Variants in MCCC2 observed in about 807,000 individuals in gnomAD.
MCCC2 encodes the protein methylcrotonyl-CoA carboxylase subunit 2.
In MCCC2, 52 loss-of-function variants were observed where a neutral mutation model predicts 77.2. The observed-to-expected ratio is 0.67, with a 90% CI of 0.54 to 0.85. MCCC2 has a LOEUF of 0.85. Among genes scored for constraint, MCCC2 ranks in the 40% least tolerant of loss-of-function variants. The pLI, the probability that MCCC2 is intolerant of heterozygous loss-of-function variation, is 0.00. For synonymous variants in MCCC2, 253 were observed against 248.4 expected, an observed-to-expected ratio of 1.02 and a Z score of -0.18; for missense variants, 682 against 703.2, an observed-to-expected ratio of 0.97 and a Z score of 0.34.
In MCCC2 at chr5:71,596,981, T is replaced by C. The variant is rs181669202; in HGVS notation, c.281+617T>C. ...GTAAATTCTGTAGTGTGTTAGTAAG[T>C]GACAAATGTCATGAGAAAAAGAAAA... On this transcript the variant is annotated intron_variant, in intron 3 of 16. Transcript: ENST00000340941. Among the ~76,000 whole-genome samples, 582 of 151,394 alleles carry C rather than the reference T, an allele frequency of 3.8e-3. 3 individuals are homozygous for C. Among genetic ancestry groups the C allele is most frequent in the African/African-American group, 0.014 (561 of 41,268 alleles).
chr5:71,589,682 A>G (rs1744898716), intron 1 of MCCC2, among the ~76,000 whole-genome samples: 1 of 152,248 alleles, frequency 6.6e-6, no homozygotes, highest in Admixed American at 6.5e-5. Flanking sequence ...AAGCAACTAT[A>G]ATAAGTAATA....
intron 1 of MCCC2, among the ~76,000 whole-genome samples, chr5:71,589,766 A>T (rs907098386): frequency 5.3e-5 from 8 of 152,250 alleles, no homozygotes; most frequent in Non-Finnish European, 1.2e-4. Context: ...TGTATTTATC[A>T]TAATGATCCT....
rs277982 is a variant in MCCC2 at position 71,632,424 on chromosome 5, T to C, written c.803+239T>C. Among the ~76,000 whole-genome samples the C allele has an allele frequency of 0.31, 46,595 of 152,090 alleles. 8,213 individuals carry two copies. The highest frequency in any genetic ancestry group is 0.55 in the East Asian group (2,825 of 5,158). On this transcript the variant is annotated intron_variant, in intron 8 of 16. Coordinates refer to ENST00000340941, the MANE Select transcript of MCCC2 (RefSeq NM_022132.5). Reference sequence around the variant, plus strand: ...TTCTTATTTATTTGACAAACATTCATTGGGCACCTGTTATGTAGCAGGCAC... The same window carrying C: ...TTCTTATTTATTTGACAAACATTCACTGGGCACCTGTTATGTAGCAGGCAC...
At chr5:71,607,837 A>G (rs1029925890) in intron 6 of MCCC2, among the ~76,000 whole-genome samples, 6 of 146,674 alleles carry the variant, frequency 4.1e-5, no homozygotes, top group Non-Finnish European at 7.5e-5. Context: ...TTATGTACCC[A>G]GTGGTCATTC....
intron 6 of MCCC2, among the ~76,000 whole-genome samples, chr5:71,614,470 A>C (rs1050237769): frequency 6.9e-5 from 10 of 145,160 alleles, no homozygotes; most frequent in African/African-American, 2.5e-4. Context: ...GTGAGACCCC[A>C]TCTCTCTCTC....
chr5:71,654,055 T>A (rs1747516411), intron 16 of MCCC2, among the ~76,000 whole-genome samples: 1 of 152,180 alleles, frequency 6.6e-6, no homozygotes, highest in Admixed American at 6.5e-5. Context: ...TGGAGTGCAG[T>A]GACGTGATCT....
At chr5:71,643,216 T>C (rs550068991) in intron 11 of MCCC2, among the ~76,000 whole-genome samples, 14 of 152,086 alleles carry the variant, frequency 9.2e-5, no homozygotes, top group African/African-American at 3.1e-4. Flanking sequence ...ACCCCATCTC[T>C]ACAAAAAATA....
chr5:71,596,376 G>T lies in MCCC2; in HGVS notation c.281+12G>T. ...CTCATAGACCCAGGGTGCGTACATA[G>T]CCAAGTACTGACTCAGAGTGTTCTC... On this transcript the variant is annotated intron_variant, in intron 3 of 16. Transcript: ENST00000340941. The T allele has an allele frequency of 6.2e-7, 1 of 1,604,740 alleles. No homozygotes were observed. The highest frequency in any genetic ancestry group is 8.5e-7 in the Non-Finnish European group (1 of 1,171,532).
intron 2 of MCCC2, among the ~76,000 whole-genome samples, 153 bp downstream of exon 2, chr5:71,593,145 T>G (rs1693896): frequency 6.6e-6 from 1 of 151,732 alleles, no homozygotes; most frequent in Non-Finnish European, 1.5e-5. Context: ...TGGAGTGCAG[T>G]GGCGCCATCT....
intron 6 of MCCC2, among the ~76,000 whole-genome samples, chr5:71,613,551 T>G (rs778025244): frequency 2.4e-4 from 37 of 152,120 alleles, no homozygotes; most frequent in Non-Finnish European, 2.1e-4. Flanking sequence ...ATCCCAGTAC[T>G]TTGAGAGGCC....
intron 11 of MCCC2, 78 bp downstream of exon 11, chr5:71,641,153 A>G: frequency 2.3e-6 from 3 of 1,311,582 alleles, no homozygotes; most frequent in South Asian, 2.4e-5. Context: ...CAAGACTTTG[A>G]TACACTTGAC....
chr5:71,639,337 T>C (rs1410444965), intron 10 of MCCC2, among the ~76,000 whole-genome samples: 2 of 152,232 alleles, frequency 1.3e-5, no homozygotes, highest in African/African-American at 4.8e-5. Context: ...GATAACTTGC[T>C]GTAGCTTCTA....
intron 6 of MCCC2, among the ~76,000 whole-genome samples, chr5:71,610,464 G>C (rs1745890075): frequency 2.0e-5 from 3 of 152,148 alleles, no homozygotes. Flanking sequence ...TGCGCCCACT[G>C]TCTGGCACTC....
chr5:71,633,133 TTTTA>T lies in MCCC2; in HGVS notation c.803+952_803+955del, dbSNP rs1349104577. ...TATATATATATATATATATATATAT[TTTTA>T]TTTTTTGTAGAAACAGGTGTCTCAC... On this transcript the variant is annotated intron_variant, in intron 8 of 16. Transcript: ENST00000340941. 3.2e-4 allele frequency among the ~76,000 whole-genome samples: 36 copies of T among 113,004 alleles called. 1 individual carries two copies. The highest frequency in any genetic ancestry group is 1.5e-3 in the African/African-American group (35 of 23,576). 74.1% of individuals were successfully genotyped at this position (113,004 alleles called of 152,430 possible).
At position 71,632,030 on chromosome 5, in the gene MCCC2, G is replaced by C. The variant is rs142761945; in HGVS notation, c.739-91G>C. The C allele has an allele frequency of 0.036, 39,017 of 1,097,862 alleles. 918 individuals carry two copies. The highest frequency in any genetic ancestry group is 0.073 in the South Asian group (5,887 of 80,672). The allele number at this position is 1,097,862 out of a possible 1,614,324, so 68.0% of individuals were successfully genotyped here. On this transcript the variant is annotated intron_variant, in intron 7 of 16. Transcript: ENST00000340941. The stretch of plus-strand genomic sequence containing the variant: ...TAGTTCTATGGAAGAAAAAGTACAG[G>C]TATAGTCAGGTGAGGAGTTGTGCAT...
chr5:71,642,497 C>T (rs1257965109), intron 11 of MCCC2, among the ~76,000 whole-genome samples: 1 of 152,136 alleles, frequency 6.6e-6, no homozygotes, highest in African/African-American at 2.4e-5. Flanking sequence ...ATGGGTGTCC[C>T]TAGTAGTGTG....
intron 3 of MCCC2, among the ~76,000 whole-genome samples, chr5:71,599,285 G>A (rs1300918066): frequency 3.9e-5 from 6 of 152,030 alleles, no homozygotes; most frequent in Admixed American, 1.3e-4. Flanking sequence ...CAGGAGAATC[G>A]CTTGAACTCA....
At chr5:71,587,985 A>G (rs1744828852) in intron 1 of MCCC2, among the ~76,000 whole-genome samples, 4 of 152,082 alleles carry the variant, frequency 2.6e-5, no homozygotes, top group Admixed American at 2.0e-4. Context: ...GTTGATTATG[A>G]TGGCCGAGCC....
At chr5:71,621,513 G>A (rs1373898927) in intron 6 of MCCC2, among the ~76,000 whole-genome samples, 1 of 152,144 alleles carries the variant, frequency 6.6e-6, no homozygotes, top group Non-Finnish European at 1.5e-5. Flanking sequence ...AGGATCTCTT[G>A]AGCCCGGGAA....
Sources: allele counts gnomAD v4.1 joint callset (sites outside exome capture counted in the v4.1 genomes callset), GRCh38; gene constraint gnomAD v4.1.1; transcripts MANE v1.5; gene names NCBI Gene and HGNC (gene_info 2026-07-23, HGNC 2026-07-21).